PDE4D: variants seen among roughly 807,000 people sequenced by gnomAD.
PDE4D encodes phosphodiesterase 4D.
A neutral mutation model predicts 87.4 loss-of-function variants in PDE4D; 24 were observed. The observed-to-expected ratio is 0.27, with a 90% CI of 0.20 to 0.39. The LOEUF is 0.39. Ranked by LOEUF, PDE4D falls within the 10% of genes least tolerant of loss-of-function variation. The pLI is 1.00. For synonymous variants in PDE4D, 384 were observed against 383.2 expected (o/e 1.00, Z -0.02); for missense variants, 714 against 1,041.0 (o/e 0.69, Z 4.32).
chr5:59,606,251 T>G (rs560444144), intron 1 of PDE4D, among the ~76,000 whole-genome samples: 2 of 152,088 alleles, frequency 1.3e-5, no homozygotes, highest in Non-Finnish European at 2.9e-5. Flanking sequence ...TTGTATTAAC[T>G]AAAGGAATTC....
intron 1 of PDE4D, among the ~76,000 whole-genome samples, chr5:59,691,444 A>G (rs1750906399): frequency 6.6e-6 from 1 of 152,068 alleles, no homozygotes. Context: ...GCTGGAAACC[A>G]TCATTCTGAG....
chr5:59,127,879 CCAGA>C (rs765592231), intron 5 of PDE4D, among the ~76,000 whole-genome samples: 25 of 152,030 alleles, frequency 1.6e-4, no homozygotes, highest in Admixed American at 5.9e-4. Context: ...CTGCAATCCA[CCAGA>C]CAGTCTCCTT....
At chr5:60,366,835 C>T (rs1241175505) in intron 1 of PDE4D, among the ~76,000 whole-genome samples, 1 of 152,170 alleles carries the variant, frequency 6.6e-6, no homozygotes, top group Non-Finnish European at 1.5e-5. Context: ...GAAATTCAAC[C>T]AGGAGATTTA....
intron 1 of PDE4D, among the ~76,000 whole-genome samples, chr5:59,786,711 G>A (rs977281536): frequency 6.6e-6 from 1 of 152,132 alleles, no homozygotes; most frequent in Admixed American, 6.5e-5. Flanking sequence ...GCCTGTTAAC[G>A]GACAGAGGAA....
chr5:59,919,073 C>G (rs147161910), intron 3 of PDE4D, among the ~76,000 whole-genome samples: 1 of 152,126 alleles, frequency 6.6e-6, no homozygotes, highest in East Asian at 1.9e-4. Context: ...GTGGGGAGAA[C>G]AGATGAATTT....
chr5:59,332,890 C>A (rs1319831460), intron 1 of PDE4D, among the ~76,000 whole-genome samples: 1 of 152,186 alleles, frequency 6.6e-6, no homozygotes, highest in East Asian at 1.9e-4. Flanking sequence ...GTGCAGTAGC[C>A]ATTTGCCATC....
chr5:60,376,438 T>C (rs1761441913), intron 1 of PDE4D, among the ~76,000 whole-genome samples: 1 of 152,098 alleles, frequency 6.6e-6, no homozygotes, highest in African/African-American at 2.4e-5. Flanking sequence ...TAGTGAACTG[T>C]TTAGCCGGGG....
chr5:60,148,525 T>C (rs550688306), intron 2 of PDE4D, among the ~76,000 whole-genome samples: 2 of 152,182 alleles, frequency 1.3e-5, no homozygotes, highest in African/African-American at 4.8e-5. Flanking sequence ...GCAGTCTTGG[T>C]ATTTGGCTCT....
chr5:59,607,659 G>C (rs879682263), intron 1 of PDE4D, among the ~76,000 whole-genome samples: 4 of 152,002 alleles, frequency 2.6e-5, no homozygotes, highest in Non-Finnish European at 5.9e-5. Flanking sequence ...GAGGCAGCAG[G>C]GGGTAGGTGG....
intron 5 of PDE4D, among the ~76,000 whole-genome samples, chr5:59,160,799 TA>T (rs1780963313): frequency 6.6e-6 from 1 of 152,116 alleles, no homozygotes; most frequent in African/African-American, 2.4e-5. Context: ...AGATGCTCTT[TA>T]AAAATAGTTG....
intron 1 of PDE4D, among the ~76,000 whole-genome samples, chr5:60,371,016 C>T (rs1266283863): frequency 2.0e-5 from 3 of 152,166 alleles, no homozygotes; most frequent in Non-Finnish European, 2.9e-5. Context: ...TGTGAGCTCA[C>T]AACTCTAGCA....
In PDE4D at chr5:60,027,586, A is replaced by G. The variant is rs374976826; in HGVS notation, c.43-38869T>C. ...ACTTGTTTTCTGAAATATCTCATCC[A>G]TTACTGGTCTCTTGTCTGTCTCCCT... On this transcript the variant is annotated intron_variant, in intron 2 of 16. Coordinates refer to the PDE4D transcript ENST00000502484. Among the ~76,000 whole-genome samples the G allele has an allele frequency of 5.7e-4, 86 of 152,180 alleles. 3 individuals carry two copies. Among genetic ancestry groups the G allele is most frequent in the African/African-American group, 2.0e-3 (81 of 41,510 alleles).
chr5:59,338,359 T>A (rs1778099189), intron 1 of PDE4D, among the ~76,000 whole-genome samples: 1 of 152,182 alleles, frequency 6.6e-6, no homozygotes, highest in Non-Finnish European at 1.5e-5. Context: ...AGCGCAAAAG[T>A]TCTTTACCTA....
chr5:59,279,904 T>A (rs2153546865), intron 1 of PDE4D, among the ~76,000 whole-genome samples: 1 of 152,076 alleles, frequency 6.6e-6, no homozygotes, highest in South Asian at 2.1e-4. Context: ...TTTTTAAAAT[T>A]CATCCATCCT....
chr5:60,493,904 A>G (rs970244575), intron 1 of PDE4D, among the ~76,000 whole-genome samples: 1 of 152,208 alleles, frequency 6.6e-6, no homozygotes, highest in Non-Finnish European at 1.5e-5. Context: ...CACTTACCAC[A>G]TAAATTAGCA....
chr5:59,519,631 A>G (rs1255263731), intron 1 of PDE4D, among the ~76,000 whole-genome samples: 7 of 152,216 alleles, frequency 4.6e-5, no homozygotes, highest in African/African-American at 9.6e-5. Flanking sequence ...ATCATGTAGA[A>G]GTTTAACAGA....
chr5:58,976,775 G>A (rs1006289217), intron 12 of PDE4D, among the ~76,000 whole-genome samples: 4 of 152,156 alleles, frequency 2.6e-5, no homozygotes, highest in Non-Finnish European at 5.9e-5. Context: ...TTGAAAGCTA[G>A]AGATTTTCCT....
At chr5:59,003,863 A>G (rs1207307941) in intron 6 of PDE4D, among the ~76,000 whole-genome samples, 1 of 152,050 alleles carries the variant, frequency 6.6e-6, no homozygotes, top group East Asian at 1.9e-4. Flanking sequence ...GAGGCAAAAC[A>G]TACTTGGTGA....
chr5:59,742,173 C>T (rs753046914), intron 1 of PDE4D, among the ~76,000 whole-genome samples: 1 of 152,128 alleles, frequency 6.6e-6, no homozygotes, highest in Non-Finnish European at 1.5e-5. Flanking sequence ...AAGCAATTTT[C>T]CTGCCTCAGC....
Sources: gnomAD v4.1 joint callset for allele counts (sites outside exome capture counted in the v4.1 genomes callset) on GRCh38, gnomAD v4.1.1 for gene constraint, MANE v1.5 for transcripts, NCBI Gene and HGNC (gene_info 2026-07-23, HGNC 2026-07-21) for gene names.